Variants in CDC73 observed in about 807,000 individuals in gnomAD.
CDC73 encodes the protein parafibromin.
In CDC73, 21 loss-of-function variants were observed where a neutral mutation model predicts 83.7. The ratio of observed to expected loss-of-function variants is 0.25; its 90% CI spans 0.18 to 0.36. The LOEUF (loss-of-function observed/expected upper bound fraction) is 0.36. Ranked by LOEUF, CDC73 falls within the 10% of genes least tolerant of loss-of-function variation. The pLI is 1.00. For missense variants in CDC73, 342 were observed against 653.3 expected (o/e 0.52, Z 5.19); for synonymous variants, 224 against 212.9 (o/e 1.05, Z -0.45).
Position 193,125,349 on chromosome 1 carries a change from C to T in CDC73, c.237+132C>T, listed in dbSNP as rs1006393693. The T allele has an allele frequency of 4.3e-6, 3 of 690,460 alleles. No individual in the cohort carries two copies. In the Admixed American group the frequency reaches 6.2e-5, roughly 14 times the overall value. 42.8% of individuals were successfully genotyped at this position (690,460 alleles called of 1,614,324 possible). A position where few individuals can be genotyped will look rare whatever the true frequency, so the allele number is the denominator to read the frequency against. On this transcript the variant is annotated intron_variant, in intron 2 of 16. Transcript: ENST00000367435. ...TCATAGCTCATTGCAGCCTCGAACT[C>T]CTAGGCTCAAGTGATCTTCCCACCT...
intron 11 of CDC73, among the ~76,000 whole-genome samples, chr1:193,205,968 G>A (rs1677182464): frequency 6.6e-6 from 1 of 152,074 alleles, no homozygotes; most frequent in Admixed American, 6.5e-5. Context: ...GTCAGAAATG[G>A]TATTATATAA....
intron 10 of CDC73, among the ~76,000 whole-genome samples, chr1:193,153,513 A>G (rs1247458922): frequency 6.6e-6 from 1 of 152,190 alleles, no homozygotes; most frequent in Non-Finnish European, 1.5e-5. Flanking sequence ...GAATCATTAT[A>G]TATGTGCTGT....
At chr1:193,135,726 G>A (rs1675782099) in intron 5 of CDC73, 137 bp downstream of exon 5, 1 of 670,500 alleles carries the variant, frequency 1.5e-6, no homozygotes, top group South Asian at 1.8e-5. Flanking sequence ...AAGAACAATT[G>A]ATTAATAAGT....
At chr1:193,232,045 A>G (rs1475044615) in intron 13 of CDC73, among the ~76,000 whole-genome samples, 3 of 152,210 alleles carry the variant, frequency 2.0e-5, no homozygotes, top group Non-Finnish European at 2.9e-5. Flanking sequence ...GGTAATAGCT[A>G]TCCAGATTGC....
chr1:193,202,613 CTTTTTTTT>C (rs35435159), intron 10 of CDC73, among the ~76,000 whole-genome samples: 1 of 126,444 alleles, frequency 7.9e-6, no homozygotes, highest in African/African-American at 2.9e-5. Context: ...CCTCAGGTGT[CTTTTTTTT>C]TTTTTTTTTT....
intron 13 of CDC73, among the ~76,000 whole-genome samples, chr1:193,224,977 C>T (rs1454517852): frequency 6.6e-6 from 1 of 151,846 alleles, no homozygotes; most frequent in African/African-American, 2.4e-5. Context: ...TTGGTGTGCC[C>T]ATCACCCGAA....
chr1:193,155,798 C>G (rs538179253), intron 10 of CDC73, among the ~76,000 whole-genome samples: 9 of 152,082 alleles, frequency 5.9e-5, no homozygotes, highest in Admixed American at 3.9e-4. Flanking sequence ...AAAAACCCCA[C>G]TAGATTAAAC....
chr1:193,228,319 A>G (rs936580221), intron 13 of CDC73, among the ~76,000 whole-genome samples: 6 of 152,160 alleles, frequency 3.9e-5, no homozygotes, highest in South Asian at 2.1e-4. Context: ...ATGGTACTAT[A>G]TATGTTGAAT....
chr1:193,234,263 T>TA (rs1411640542), intron 14 of CDC73, among the ~76,000 whole-genome samples: 24 of 15,890 alleles, frequency 1.5e-3, no homozygotes, highest in Non-Finnish European at 2.2e-3. Flanking sequence ...TATATATAAT[T>TA]TAATTATAAT....
intron 10 of CDC73, among the ~76,000 whole-genome samples, chr1:193,177,379 A>AAAAAAAAAC: frequency 1.3e-5 from 2 of 148,152 alleles, no homozygotes; most frequent in Non-Finnish European, 1.5e-5. Context: ...AAAAAAAAAA[A>AAAAAAAAAC]ATCAGCCGGG....
At position 193,236,367 on chromosome 1, in the gene CDC73, CTTTG is replaced by C; in HGVS notation, c.1417+13_1417+16del. ...ATATATTTGCTAAAAGTAAGATTCT[CTTTG>C]TATTTACTGTATCCAGTATAGAAAT... On this transcript the variant is annotated intron_variant, in intron 15 of 16. Coordinates refer to ENST00000367435, the MANE Select transcript of CDC73 (RefSeq NM_024529.5). 1 of 1,493,874 alleles carries C rather than the reference CTTTG, an allele frequency of 6.7e-7. No homozygotes were observed. Among genetic ancestry groups the C allele is most frequent in the South Asian group, 1.1e-5 (1 of 88,716 alleles). 92.5% of individuals were successfully genotyped at this position (1,493,874 alleles called of 1,614,324 possible). A position where few individuals can be genotyped will look rare whatever the true frequency, so the allele number is the denominator to read the frequency against.
chr1:193,162,372 A>T (rs1676353884), intron 10 of CDC73, among the ~76,000 whole-genome samples: 1 of 140,314 alleles, frequency 7.1e-6, no homozygotes, highest in Admixed American at 7.8e-5. Context: ...TATAGTGTAT[A>T]TATATATATA....
chr1:193,190,753 A>C (rs1411983337), intron 10 of CDC73, among the ~76,000 whole-genome samples: 1 of 152,198 alleles, frequency 6.6e-6, no homozygotes, highest in Non-Finnish European at 1.5e-5. Flanking sequence ...TTTGGCAAAT[A>C]CTTTATTATG....
intron 13 of CDC73, among the ~76,000 whole-genome samples, chr1:193,226,803 G>T (rs1357178274): frequency 2.0e-5 from 3 of 152,022 alleles, no homozygotes; most frequent in Non-Finnish European, 2.9e-5. Context: ...TCCTTTCCTG[G>T]TTTTGGTCTT....
At chr1:193,151,473 A>G (rs377049040) in intron 9 of CDC73, among the ~76,000 whole-genome samples, 2 of 152,220 alleles carry the variant, frequency 1.3e-5, no homozygotes, top group Non-Finnish European at 2.9e-5. Flanking sequence ...TTGATCACAT[A>G]TATTGTTTAT....
intron 1 of CDC73, 103 bp downstream of exon 1, chr1:193,122,434 T>G (rs1417617578): frequency 6.2e-6 from 9 of 1,443,024 alleles, no homozygotes; most frequent in Non-Finnish European, 8.7e-6. Context: ...GGGGATGGGA[T>G]AAAACGGGTG....
intron 8 of CDC73, among the ~76,000 whole-genome samples, chr1:193,149,389 T>A (rs1676066490): frequency 6.6e-6 from 1 of 151,834 alleles, no homozygotes; most frequent in Non-Finnish European, 1.5e-5. Context: ...TTTTTTTTTT[T>A]AAAGTAGTGG....
chr1:193,122,064 G>T lies in CDC73; in HGVS notation c.-137G>T. 1.3e-6 allele frequency: 1 copy of T among 774,016 alleles called. No individual in the cohort carries two copies. 47.9% of individuals were successfully genotyped at this position (774,016 alleles called of 1,614,324 possible). A position where few individuals can be genotyped will look rare whatever the true frequency, so the allele number is the denominator to read the frequency against. On this transcript the variant is annotated 5_prime_UTR_variant, in exon 1 of 17. Transcript: ENST00000367435. ...CCCTGCTGCTGTCGTAGGCGAGGAC[G>T]GCTGTTAGTGCTGCTGCTGTTGGTT... is the stretch of plus-strand genomic sequence containing the variant.
intron 10 of CDC73, among the ~76,000 whole-genome samples, chr1:193,192,735 A>G (rs1240208125): frequency 6.6e-6 from 1 of 152,242 alleles, no homozygotes; most frequent in Non-Finnish European, 1.5e-5. Context: ...TGTGGCAGCC[A>G]CGTGCCAACT....
Sources: allele counts gnomAD v4.1 joint callset (sites outside exome capture counted in the v4.1 genomes callset), GRCh38; gene constraint gnomAD v4.1.1; transcripts MANE v1.5; gene names NCBI Gene and HGNC (gene_info 2026-07-23, HGNC 2026-07-21).